Variants in HPSE2 observed in about 807,000 individuals in gnomAD.
The protein encoded by HPSE2 is inactive heparanase-2.
HPSE2 carries 38 observed loss-of-function variants against 60.5 expected under a neutral mutation model. That is an observed-to-expected ratio of 0.63 (90% CI 0.48 to 0.82). The LOEUF is 0.82. Among genes scored for constraint, HPSE2 ranks in the 40% least tolerant of loss-of-function variants. The pLI is 0.00. For missense variants in HPSE2, 713 were observed against 740.4 expected (o/e 0.96, Z 0.43); for synonymous variants, 295 against 293.2 (o/e 1.01, Z -0.06).
At chr10:99,025,691 G>A (rs1034029579) in intron 3 of HPSE2, among the ~76,000 whole-genome samples, 13 of 152,062 alleles carry the variant, frequency 8.5e-5, no homozygotes, top group African/African-American at 3.1e-4. Flanking sequence ...CAGACACTGG[G>A]TATACCTGAG....
Position 98,754,968 on chromosome 10 carries a change from AAGTCTGCATAAAC to A in HPSE2, c.611-10925_611-10913del, listed in dbSNP as rs962962266. 1.4e-4 allele frequency among the ~76,000 whole-genome samples: 20 copies of A among 147,138 alleles called. No individual in the cohort carries two copies. In the Middle Eastern group the frequency reaches 0.011, roughly 81 times the overall value. Reference sequence around the variant, plus strand: ...GACACTATAAAGCAACTACACAATCAAGTCTGCATAAACACCAGCTAATAACAAGATGACAGGA... The same window carrying A: ...GACACTATAAAGCAACTACACAATCAACCAGCTAATAACAAGATGACAGGA... On this transcript the variant is annotated intron_variant, in intron 3 of 11. Coordinates refer to ENST00000370552, the MANE Select transcript of HPSE2 (RefSeq NM_021828.5).
intron 3 of HPSE2, among the ~76,000 whole-genome samples, chr10:99,089,977 T>C (rs1039588478): frequency 1.1e-4 from 17 of 152,184 alleles, no homozygotes; most frequent in Admixed American, 2.0e-4. Flanking sequence ...CTCAGCTTGA[T>C]TGCTGTTGGT....
intron 6 of HPSE2, among the ~76,000 whole-genome samples, chr10:98,686,438 G>A (rs534828912): frequency 5.3e-5 from 8 of 152,098 alleles, no homozygotes; most frequent in Non-Finnish European, 1.2e-4. Flanking sequence ...ATCTTGCTCT[G>A]TCACCAAGGC....
rs565473205 is a variant in HPSE2 at position 98,941,112 on chromosome 10, C to T, written c.611-197056G>A. Among the ~76,000 whole-genome samples, 153 of 142,390 alleles carry T rather than the reference C, an allele frequency of 1.1e-3. 30 individuals carry two copies. The highest frequency in any genetic ancestry group is 4.2e-3 in the African/African-American group (146 of 34,498). The allele number at this position is 142,390 out of a possible 152,430, so 93.4% of individuals were successfully genotyped here. Reference sequence around the variant, plus strand: ...AGAATAAGAGCTATCTATGACGAACCCACAGCCAGTATCATCCTGAATGGG... The same window carrying T: ...AGAATAAGAGCTATCTATGACGAACTCACAGCCAGTATCATCCTGAATGGG... On this transcript the variant is annotated intron_variant, in intron 3 of 11. Coordinates refer to ENST00000370552, the MANE Select transcript of HPSE2 (RefSeq NM_021828.5).
chr10:98,766,858 G>A lies in HPSE2; in HGVS notation c.611-22802C>T, dbSNP rs192613866. Among the ~76,000 whole-genome samples the A allele has an allele frequency of 5.5e-3, 833 of 152,180 alleles. 6 individuals carry two copies. The highest frequency in any genetic ancestry group is 0.019 in the African/African-American group (797 of 41,524). On this transcript the variant is annotated intron_variant, in intron 3 of 11. Coordinates refer to ENST00000370552, the MANE Select transcript of HPSE2 (RefSeq NM_021828.5). ...GAGGATCACCTGAGCCTGGGAGGTC[G>A]AGGCTGCAGTGAGCCATGATCACAC...
chr10:99,007,866 A>C (rs1564732504), intron 3 of HPSE2, among the ~76,000 whole-genome samples: 1 of 152,228 alleles, frequency 6.6e-6, no homozygotes. Context: ...GTCTGTAAGC[A>C]GTGGACCTAA....
chr10:98,806,737 T>A (rs1483932074), intron 3 of HPSE2, among the ~76,000 whole-genome samples: 1 of 152,378 alleles, frequency 6.6e-6, no homozygotes, highest in Non-Finnish European at 1.5e-5. Context: ...ATATTTCATG[T>A]CTCTAATTCT....
chr10:99,299,311 T>G, the HPSE2 span, among the ~76,000 whole-genome samples: 3 of 152,178 alleles, frequency 2.0e-5, no homozygotes, highest in African/African-American at 7.2e-5. Context: ...ATCAGCCCCC[T>G]AAATTGAACT....
intron 3 of HPSE2, among the ~76,000 whole-genome samples, chr10:98,826,206 G>A (rs541237461): frequency 6.6e-6 from 1 of 152,308 alleles, no homozygotes; most frequent in South Asian, 2.1e-4. Flanking sequence ...ATGGTGCCAA[G>A]TACATAGCAG....
intron 3 of HPSE2, among the ~76,000 whole-genome samples, chr10:99,088,322 C>A (rs1309887727): frequency 6.6e-6 from 1 of 152,112 alleles, no homozygotes; most frequent in Non-Finnish European, 1.5e-5. Context: ...AAGCAGTATA[C>A]ATTGTAGCCA....
intron 3 of HPSE2, 127 bp downstream of exon 3, chr10:99,144,111 G>T: frequency 1.1e-6 from 1 of 944,518 alleles, no homozygotes; most frequent in Non-Finnish European, 1.6e-6. Context: ...AGGAATATTT[G>T]TAATAGAAAG....
intron 3 of HPSE2, among the ~76,000 whole-genome samples, chr10:99,084,207 G>A (rs1016547440): frequency 2.6e-5 from 4 of 152,160 alleles, no homozygotes; most frequent in South Asian, 2.1e-4. Context: ...AACGCAGAAC[G>A]TCAACAGAAT....
At chr10:99,209,660 A>G (rs1398666255) in intron 2 of HPSE2, among the ~76,000 whole-genome samples, 2 of 152,192 alleles carry the variant, frequency 1.3e-5, no homozygotes, top group African/African-American at 2.4e-5. Flanking sequence ...GACTAGAAAA[A>G]CAATAGAAAA....
chr10:98,631,386 C>T (rs942271511), intron 7 of HPSE2, among the ~76,000 whole-genome samples: 1 of 152,180 alleles, frequency 6.6e-6, no homozygotes, highest in Non-Finnish European at 1.5e-5. Flanking sequence ...GCAATGACTA[C>T]GTTCAAGGAT....
At chr10:98,962,449 T>A (rs1475364248) in intron 3 of HPSE2, among the ~76,000 whole-genome samples, 1 of 152,040 alleles carries the variant, frequency 6.6e-6, no homozygotes, top group African/African-American at 2.4e-5. Flanking sequence ...TAAGAGCTAT[T>A]TATGACAAAC....
chr10:98,680,362 T>C (rs1276924243), intron 6 of HPSE2, among the ~76,000 whole-genome samples: 3 of 152,214 alleles, frequency 2.0e-5, no homozygotes, highest in Non-Finnish European at 4.4e-5. Flanking sequence ...TTTATGTGAA[T>C]GCTTGGAAAT....
At chr10:98,902,582 A>G (rs1953696542) in intron 3 of HPSE2, among the ~76,000 whole-genome samples, 1 of 152,066 alleles carries the variant, frequency 6.6e-6, no homozygotes, top group Admixed American at 6.6e-5. Flanking sequence ...TTCCTCTGTA[A>G]AATGGGAGGG....
chr10:98,950,578 C>A lies in HPSE2; in HGVS notation c.610+193660G>T, dbSNP rs779499416. On this transcript the variant is annotated intron_variant, in intron 3 of 11. Coordinates refer to ENST00000370552, the MANE Select transcript of HPSE2 (RefSeq NM_021828.5). ...CTCAATATTTCCTAATGTCTCTGAC[C>A]ATCTCTGTGGCTGCACCAACTTCTT... 2.5e-4 allele frequency among the ~76,000 whole-genome samples: 38 copies of A among 152,126 alleles called. 1 individual carries two copies. Among genetic ancestry groups the A allele is most frequent in the South Asian group, 1.2e-3 (6 of 4,810 alleles).
rs187761789 is a variant in HPSE2, at chr10:98,669,459, A to G, written c.1004+24441T>C. 2.6e-3 allele frequency among the ~76,000 whole-genome samples: 399 copies of G among 152,388 alleles called. 3 individuals are homozygous for G. Among genetic ancestry groups the G allele is most frequent in the African/African-American group, 9.0e-3 (375 of 41,596 alleles). On this transcript the variant is annotated intron_variant, in intron 6 of 11. Transcript: ENST00000370552. ...CTATGTTCATGGCTGCATTATTCAC[A>G]ACAGCAAAGACAGGAAATCAACCTA...
Sources: allele counts gnomAD v4.1 joint callset (sites outside exome capture counted in the v4.1 genomes callset), GRCh38; gene constraint gnomAD v4.1.1; transcripts MANE v1.5; gene names NCBI Gene and HGNC (gene_info 2026-07-23, HGNC 2026-07-21).